The following DMXL1 variants were observed in gnomAD, a reference collection of about 807,000 sequenced individuals.
DMXL1 encodes dmX-like protein 1.
In DMXL1, 99 loss-of-function variants were observed where a neutral mutation model predicts 319.2. The observed-to-expected ratio is 0.31, with a 90% CI of 0.26 to 0.37. The LOEUF is 0.37. DMXL1 is among the 10% of genes least tolerant of loss of function. The pLI, the probability that DMXL1 is intolerant of heterozygous loss-of-function variation, is 1.00. For synonymous variants in DMXL1, 1,385 were observed against 1,235.2 expected (o/e 1.12, Z -2.54); for missense variants, 3,745 against 3,595.6 (o/e 1.04, Z -1.06).
chr5:119,080,766 A>G (rs958968476), intron 1 of DMXL1, among the ~76,000 whole-genome samples: 1 of 152,160 alleles, frequency 6.6e-6, no homozygotes, highest in Non-Finnish European at 1.5e-5. Flanking sequence ...ATTTTACTGT[A>G]CTTTTCTAGT....
intron 8 of DMXL1, among the ~76,000 whole-genome samples, chr5:119,120,315 A>G (rs1184887009): frequency 1.3e-5 from 2 of 152,260 alleles, no homozygotes; most frequent in African/African-American, 4.8e-5. Context: ...TAAATTCTGT[A>G]TTGATTCAAC....
chr5:119,088,985 AT>A (rs1041228687), intron 1 of DMXL1, among the ~76,000 whole-genome samples: 82 of 148,204 alleles, frequency 5.5e-4, no homozygotes, highest in African/African-American at 1.3e-3. Flanking sequence ...TTCCAAAACA[AT>A]TTTTTTTTTG....
intron 19 of DMXL1, among the ~76,000 whole-genome samples, chr5:119,156,144 T>C (rs1770999319): frequency 6.6e-6 from 1 of 152,228 alleles, no homozygotes; most frequent in Admixed American, 6.5e-5. Flanking sequence ...AAGAAATTGC[T>C]ATAGCCATCC....
chr5:119,078,892 T>C (rs934966908), intron 1 of DMXL1, among the ~76,000 whole-genome samples: 8 of 152,366 alleles, frequency 5.3e-5, no homozygotes, highest in Admixed American at 2.0e-4. Flanking sequence ...TTACAATTTA[T>C]ATAATTTAGC....
chr5:119,123,143 A>G (rs904750404), intron 9 of DMXL1, among the ~76,000 whole-genome samples: 27 of 152,102 alleles, frequency 1.8e-4, no homozygotes, highest in African/African-American at 5.8e-4. Flanking sequence ...TCCACCAAAA[A>G]AATACGAAAA....
chr5:119,204,482 A>G (rs974222483), intron 33 of DMXL1, among the ~76,000 whole-genome samples: 1 of 152,126 alleles, frequency 6.6e-6, no homozygotes, highest in African/African-American at 2.4e-5. Flanking sequence ...GATTATGCTT[A>G]AATTAATGAA....
chr5:119,089,332 G>C (rs71583101), intron 1 of DMXL1, among the ~76,000 whole-genome samples: 1 of 94,210 alleles, frequency 1.1e-5, no homozygotes, highest in East Asian at 4.0e-4. Context: ...TTGAGACAGA[G>C]TCTCATTCCA....
chr5:119,213,493 C>T (rs1783153301), intron 34 of DMXL1, among the ~76,000 whole-genome samples: 2 of 152,162 alleles, frequency 1.3e-5, no homozygotes. Flanking sequence ...TTCTCATTAG[C>T]ATGAGCAAAT....
chr5:119,233,567 G>A (rs1787173198), intron 39 of DMXL1, 100 bp downstream of exon 39: 2 of 887,400 alleles, frequency 2.3e-6, no homozygotes, highest in Non-Finnish European at 3.5e-6. Context: ...GTGGGTAGTA[G>A]TAAAGTATTG....
chr5:119,096,203 T>C (rs1755923552), intron 1 of DMXL1, among the ~76,000 whole-genome samples: 1 of 148,960 alleles, frequency 6.7e-6, no homozygotes, highest in South Asian at 2.1e-4. Context: ...TGAGATGGAG[T>C]TTTGCTCTTG....
At chr5:119,107,915 A>T (rs776053949) in intron 4 of DMXL1, among the ~76,000 whole-genome samples, 2 of 152,194 alleles carry the variant, frequency 1.3e-5, no homozygotes, top group African/African-American at 2.4e-5. Context: ...CAACAACTGT[A>T]TTTAAACCTC....
rs188562306 is a variant in DMXL1 at position 119,128,412 on chromosome 5, C to T, written c.1103-799C>T. On this transcript the variant is annotated intron_variant, in intron 9 of 43. Transcript: ENST00000539542. ...CTACCATGCTGCTGTTGATGCTTCTCTCCTCAGCAGCAGATCTCTTGCTGA... is the reference window on the plus strand; with the variant it reads ...CTACCATGCTGCTGTTGATGCTTCTTTCCTCAGCAGCAGATCTCTTGCTGA... 2.3e-3 allele frequency: 496 copies of T among 212,128 alleles called. 1 individual carries two copies. The highest frequency in any genetic ancestry group is 3.6e-3 in the Non-Finnish European group (364 of 101,618). The allele number at this position is 212,128 out of a possible 1,614,324, so 13.1% of individuals were successfully genotyped here. A position where few individuals can be genotyped will look rare whatever the true frequency, so the allele number is the denominator to read the frequency against.
At chr5:119,074,069 C>T (rs1303951181) in intron 1 of DMXL1, among the ~76,000 whole-genome samples, 8 of 152,230 alleles carry the variant, frequency 5.3e-5, no homozygotes, top group East Asian at 3.9e-4. Flanking sequence ...CAGGCATGTG[C>T]CACCATGCCC....
At chr5:119,109,141 G>GT (rs1206476556) in intron 4 of DMXL1, among the ~76,000 whole-genome samples, 2 of 152,122 alleles carry the variant, frequency 1.3e-5, no homozygotes, top group Non-Finnish European at 2.9e-5. Context: ...AGGTTTAATA[G>GT]TTTAATAGTT....
At chr5:119,130,783 A>G (rs545698231) in intron 10 of DMXL1, among the ~76,000 whole-genome samples, 5 of 152,234 alleles carry the variant, frequency 3.3e-5, no homozygotes, top group Admixed American at 2.6e-4. Flanking sequence ...ATTGTTTTTC[A>G]TTATTCTAGG....
At chr5:119,132,153 C>T (rs769781620) in intron 10 of DMXL1, among the ~76,000 whole-genome samples, 4 of 152,126 alleles carry the variant, frequency 2.6e-5, no homozygotes, top group African/African-American at 4.8e-5. Flanking sequence ...TTGAACCATT[C>T]TGGTGATATC....
At chr5:119,196,311 G>A in intron 30 of DMXL1, 60 bp from the exon 31 acceptor site, 2 of 1,302,008 alleles carry the variant, frequency 1.5e-6, no homozygotes, top group South Asian at 1.2e-5. Context: ...TCAAAGGGTA[G>A]TATACTCTTC....
intron 1 of DMXL1, among the ~76,000 whole-genome samples, chr5:119,090,872 G>C (rs1305983682): frequency 6.6e-6 from 1 of 151,590 alleles, no homozygotes; most frequent in Non-Finnish European, 1.5e-5. Flanking sequence ...GCAGTCCTCT[G>C]TGTGTTTTTA....
At position 119,167,745 on chromosome 5, in the gene DMXL1, G is replaced by A; in HGVS notation, c.5279G>A (p.Cys1760Tyr). The A allele has an allele frequency of 1.9e-6, 3 of 1,613,648 alleles. No homozygotes were observed. The highest frequency in any genetic ancestry group is 1.7e-4 in the Middle Eastern group (1 of 6,056). ...ATCGATTCTCCTGTCAGTGAACTGT[G>A]TTCATTGAACATAAATATGCATCAT... is the stretch of plus-strand genomic sequence containing the variant. ...LGIDSPVSELCSLNINMHHDP... is the reference protein window; with the variant it reads ...LGIDSPVSELYSLNINMHHDP... The change falls in exon 23 of 44, where the codon TGT (cysteine) becomes TAT (tyrosine). Residue 1760 changes from cysteine to tyrosine, a missense_variant. Transcript: ENST00000539542.
Sources: allele counts gnomAD v4.1 joint callset (sites outside exome capture counted in the v4.1 genomes callset), GRCh38; gene constraint gnomAD v4.1.1; transcripts MANE v1.5; gene names NCBI Gene and HGNC (gene_info 2026-07-23, HGNC 2026-07-21).